CCNH: variants seen among roughly 807,000 people sequenced by gnomAD.
CCNH encodes the protein cyclin-H.
A neutral mutation model predicts 41.9 loss-of-function variants in CCNH; 31 were observed. That is an observed-to-expected ratio of 0.74 (90% CI 0.56 to 1.00). The LOEUF (loss-of-function observed/expected upper bound fraction) is 1.00, where lower values mean the gene tolerates loss of function less well. Among genes scored for constraint, CCNH ranks in the 50% least tolerant of loss-of-function variants. The pLI, the probability that CCNH is intolerant of heterozygous loss-of-function variation, is 0.00. For synonymous variants in CCNH, 138 were observed against 136.1 expected, an observed-to-expected ratio of 1.01 and a Z score of -0.10; for missense variants, 362 against 388.4, an observed-to-expected ratio of 0.93 and a Z score of 0.57.
At chr5:87,330,894 G>A in intron 9 of CCNH, 2 of 1,222,030 alleles carry the variant, frequency 1.6e-6, no homozygotes, top group Non-Finnish European at 2.1e-6. Flanking sequence ...CCTGTCGCAG[G>A]GCACAAACAC....
downstream of CCNH, chr5:87,374,745 C>T: frequency 1.3e-6 from 2 of 1,504,194 alleles, no homozygotes; most frequent in Non-Finnish European, 1.8e-6. Flanking sequence ...TTTTTTAAAG[C>T]AGAAATAGGG....
downstream of CCNH, among the ~76,000 whole-genome samples, chr5:87,375,986 A>T (rs1191644055): frequency 6.6e-6 from 1 of 152,002 alleles, no homozygotes; most frequent in Non-Finnish European, 1.5e-5. Flanking sequence ...TCTTAGCTAC[A>T]CCTCTAGATC....
chr5:87,333,150 G>A, intron 9 of CCNH: 1 of 1,431,212 alleles, frequency 7.0e-7, no homozygotes, highest in South Asian at 1.4e-5. Flanking sequence ...AAATTTATTT[G>A]AATGATCCCA....
At chr5:87,401,515 A>T (rs944708794) in intron 6 of CCNH, among the ~76,000 whole-genome samples, 187 bp downstream of exon 6, 1 of 152,154 alleles carries the variant, frequency 6.6e-6, no homozygotes, top group African/African-American at 2.4e-5. Context: ...AATGAACACT[A>T]CTTCCTTCTA....
Position 87,329,827 on chromosome 5 carries a change from A to T in CCNH, c.*91-10930T>A, listed in dbSNP as rs939345350. On this transcript the variant is annotated intron_variant and NMD_transcript_variant, in intron 9 of 9. Transcript: ENST00000645953. ...CCCATATATTTTCACAACTAAATAA[A>T]CTCATAGCCTGAAATTTCAAAATTT... Among the ~76,000 whole-genome samples the T allele has an allele frequency of 2.6e-5, 4 of 152,240 alleles. No homozygotes were observed. In the East Asian group the frequency reaches 7.7e-4, roughly 29 times the overall value.
chr5:87,389,593 A>C, downstream of CCNH: 1 of 1,574,508 alleles, frequency 6.4e-7, no homozygotes, highest in Non-Finnish European at 8.7e-7. Context: ...GTTAATAAAT[A>C]GCTGAATTCT....
chr5:87,348,377 T>C (rs552086259), intron 9 of CCNH, among the ~76,000 whole-genome samples: 16 of 152,096 alleles, frequency 1.1e-4, no homozygotes, highest in African/African-American at 3.6e-4. Flanking sequence ...TCTGGATCAT[T>C]TGAACTTAAA....
intron 9 of CCNH, among the ~76,000 whole-genome samples, chr5:87,357,070 C>T (rs747138127): frequency 1.3e-5 from 2 of 152,164 alleles, no homozygotes; most frequent in Non-Finnish European, 2.9e-5. Context: ...TAAGGTCTTA[C>T]ACTTTAATGT....
intron 9 of CCNH, among the ~76,000 whole-genome samples, chr5:87,337,726 T>C (rs1174835848): frequency 7.2e-5 from 11 of 152,098 alleles, no homozygotes; most frequent in Non-Finnish European, 1.0e-4. Context: ...TTCAGTGATA[T>C]AGTTAGTGCA....
intron 9 of CCNH, chr5:87,346,874 A>G: frequency 1.8e-6 from 1 of 542,180 alleles, no homozygotes; most frequent in Non-Finnish European, 3.3e-6. Context: ...TGGTGTTTTT[A>G]TTTATATTTT....
chr5:87,348,994 A>C (rs556013597), intron 9 of CCNH, among the ~76,000 whole-genome samples: 5 of 152,050 alleles, frequency 3.3e-5, no homozygotes, highest in African/African-American at 1.2e-4. Flanking sequence ...TTATGTATTA[A>C]AGCTGGTAAG....
chr5:87,331,994 T>C (rs1387024989), intron 9 of CCNH, among the ~76,000 whole-genome samples: 1 of 152,136 alleles, frequency 6.6e-6, no homozygotes, highest in Non-Finnish European at 1.5e-5. Context: ...TTCATTTTTA[T>C]AGAAGAAATT....
chr5:87,386,947 G>A, downstream of CCNH: 1 of 1,493,670 alleles, frequency 6.7e-7, no homozygotes, highest in Non-Finnish European at 9.3e-7. Flanking sequence ...ACTTCTAGTT[G>A]ATATAGCTGA....
chr5:87,384,697 A>C (rs1441536183), intron 9 of CCNH, among the ~76,000 whole-genome samples: 3 of 152,136 alleles, frequency 2.0e-5, no homozygotes, highest in Admixed American at 6.5e-5. Context: ...TCCAGAGCTT[A>C]TATTTAATAG....
At chr5:87,344,308 TAAAC>T (rs1255862692) in intron 9 of CCNH, among the ~76,000 whole-genome samples, 1 of 151,966 alleles carries the variant, frequency 6.6e-6, no homozygotes, top group Non-Finnish European at 1.5e-5. Context: ...CCCATAAAAA[TAAAC>T]AAAATAGTTG....
At chr5:87,385,516 G>T (rs1437063353) in intron 9 of CCNH, 14 of 739,912 alleles carry the variant, frequency 1.9e-5, no homozygotes, top group Admixed American at 1.4e-4. Context: ...ATTTTTGTTG[G>T]TATGTTTGTT....
intron 9 of CCNH, among the ~76,000 whole-genome samples, chr5:87,334,285 T>C (rs774068542): frequency 2.0e-5 from 3 of 152,118 alleles, no homozygotes; most frequent in Admixed American, 6.6e-5. Context: ...TGAGATGAGA[T>C]GTCCCAGCTC....
At chr5:87,388,692 A>G (rs1036169053), downstream of CCNH, among the ~76,000 whole-genome samples, 3 of 152,230 alleles carry the variant, frequency 2.0e-5, no homozygotes, top group Non-Finnish European at 4.4e-5. Context: ...AAGTATTCTG[A>G]GCATAGTCCA....
At chr5:87,390,533 T>G (rs1274323575), downstream of CCNH, among the ~76,000 whole-genome samples, 1 of 151,956 alleles carries the variant, frequency 6.6e-6, no homozygotes, top group Non-Finnish European at 1.5e-5. Flanking sequence ...TGACAACATG[T>G]GATAGTGTGA....
Sources: gnomAD v4.1 joint callset for allele counts (sites outside exome capture counted in the v4.1 genomes callset) on GRCh38, gnomAD v4.1.1 for gene constraint, MANE v1.5 for transcripts, NCBI Gene and HGNC (gene_info 2026-07-23, HGNC 2026-07-21) for gene names.